NKAIN2: variants seen among roughly 807,000 people sequenced by gnomAD.
The protein encoded by NKAIN2 is sodium/potassium transporting ATPase interacting 2.
Under a neutral mutation model 32.6 loss-of-function variants are expected in NKAIN2, and 14 were observed. The observed-to-expected ratio is 0.43, with a 90% CI of 0.28 to 0.67. The LOEUF is 0.67. NKAIN2 is among the 30% of genes least tolerant of loss of function. NKAIN2 has a pLI of 0.17. For missense variants in NKAIN2, 198 were observed against 258.3 expected (o/e 0.77, Z 1.60); for synonymous variants, 80 against 87.2 (o/e 0.92, Z 0.46).
chr6:124,149,970 G>A (rs1787620220), intron 1 of NKAIN2, among the ~76,000 whole-genome samples: 1 of 152,114 alleles, frequency 6.6e-6, no homozygotes, highest in Non-Finnish European at 1.5e-5. Flanking sequence ...TTTCGGTGAA[G>A]GTCAGGGGCA....
intron 3 of NKAIN2, among the ~76,000 whole-genome samples, chr6:124,375,002 G>C (rs978682137): frequency 6.6e-6 from 1 of 151,840 alleles, no homozygotes; most frequent in African/African-American, 2.4e-5. Context: ...TCTACTTTCT[G>C]CTGTCCTTCA....
chr6:124,606,758 CTGATGCATCGGTTTAGTAAA>C (rs1371793265), intron 3 of NKAIN2, among the ~76,000 whole-genome samples: 1 of 152,144 alleles, frequency 6.6e-6, no homozygotes, highest in Non-Finnish European at 1.5e-5. Flanking sequence ...AGCATCTATA[CTGATGCATCGGTTTAGTAAA>C]TGAGTGAACT....
chr6:123,960,077 G>T (rs1485113798), intron 1 of NKAIN2, among the ~76,000 whole-genome samples: 2 of 151,890 alleles, frequency 1.3e-5, no homozygotes, highest in East Asian at 3.9e-4. Flanking sequence ...ATGTGGGTTT[G>T]CTGTGATGCA....
At chr6:124,619,719 C>T (rs1422371467) in intron 3 of NKAIN2, among the ~76,000 whole-genome samples, 1 of 151,968 alleles carries the variant, frequency 6.6e-6, no homozygotes, top group Non-Finnish European at 1.5e-5. Context: ...TCTACACTTG[C>T]CATATAAAAA....
chr6:124,525,199 C>T (rs936155723), intron 3 of NKAIN2, among the ~76,000 whole-genome samples: 19 of 152,234 alleles, frequency 1.2e-4, no homozygotes, highest in African/African-American at 3.9e-4. Flanking sequence ...GAGACCTGTG[C>T]ACTGTATGTG....
rs528842717 is a variant in NKAIN2 at position 124,791,327 on chromosome 6, G to A, written c.475-12G>A. The A allele has an allele frequency of 2.8e-5, 45 of 1,605,494 alleles. No homozygotes were observed. In the East Asian group the frequency reaches 9.8e-4, roughly 35 times the overall value. ...TTTTTCTGATGTCTAAAGCATCTCT[G>A]TTTTGTTTCAGCTGGCAGGTTTCAT... On this transcript the variant is annotated splice_polypyrimidine_tract_variant and intron_variant, in intron 4 of 6. Coordinates refer to ENST00000368417, the MANE Select transcript of NKAIN2 (RefSeq NM_001040214.3).
At chr6:124,687,279 GAGAGA>G (rs894730948) in intron 4 of NKAIN2, among the ~76,000 whole-genome samples, 10 of 135,526 alleles carry the variant, frequency 7.4e-5, no homozygotes, top group African/African-American at 2.6e-4. Flanking sequence ...TATATATAGA[GAGAGA>G]ATATATATAT....
In NKAIN2 at chr6:124,355,340, T is replaced by A; in HGVS notation, c.266T>A (p.Leu89His). ...VICFYLEAGD[L>H]SKETDLILTF... ...TGCTTCTATTTGGAGGCTGGGGACC[T>A]CTCAAAGGTAATTTACATCTAATTT... Residue 89 changes from leucine to histidine, a missense_variant, in exon 3 of 7, where the codon CTC becomes CAC. Leu to His is a moderately conservative substitution (Grantham distance 99, BLOSUM62 -3). Coordinates refer to ENST00000368417, the MANE Select transcript of NKAIN2 (RefSeq NM_001040214.3). 6.3e-7 allele frequency: 1 copy of A among 1,593,272 alleles called. No individual in the cohort carries two copies. Among genetic ancestry groups the A allele is most frequent in the Non-Finnish European group, 8.6e-7 (1 of 1,161,102 alleles).
At chr6:124,676,328 C>A (rs1040138513) in intron 4 of NKAIN2, among the ~76,000 whole-genome samples, 1 of 152,096 alleles carries the variant, frequency 6.6e-6, no homozygotes, top group African/African-American at 2.4e-5. Flanking sequence ...CTGTATATGT[C>A]TTTTAGCTCC....
At chr6:123,869,778 T>C (rs1028666364) in intron 1 of NKAIN2, among the ~76,000 whole-genome samples, 2 of 152,202 alleles carry the variant, frequency 1.3e-5, no homozygotes, top group Admixed American at 1.3e-4. Context: ...CATTTACTTA[T>C]GGTTGGTTAT....
chr6:124,030,542 A>T (rs138847382), intron 1 of NKAIN2, among the ~76,000 whole-genome samples: 41 of 152,292 alleles, frequency 2.7e-4, no homozygotes, highest in African/African-American at 9.6e-4. Flanking sequence ...ACAAGATGTT[A>T]TATATTGGAT....
intron 1 of NKAIN2, among the ~76,000 whole-genome samples, chr6:124,235,840 G>A (rs866818950): frequency 4.6e-5 from 7 of 151,796 alleles, no homozygotes; most frequent in Non-Finnish European, 7.4e-5. Context: ...CTCATGATCC[G>A]CCCATCTCAG....
intron 3 of NKAIN2, among the ~76,000 whole-genome samples, chr6:124,357,264 A>C (rs1799027478): frequency 6.6e-6 from 1 of 152,202 alleles, no homozygotes. Flanking sequence ...GGGCAAAGTT[A>C]TATAGTTATC....
chr6:124,597,189 G>T (rs2114973058), intron 3 of NKAIN2, among the ~76,000 whole-genome samples: 1 of 152,130 alleles, frequency 6.6e-6, no homozygotes, highest in South Asian at 2.1e-4. Flanking sequence ...GGCCAGTCAA[G>T]TTGACACATA....
chr6:124,760,616 A>T (rs72977777), intron 4 of NKAIN2, among the ~76,000 whole-genome samples: 1 of 151,528 alleles, frequency 6.6e-6, no homozygotes, highest in Non-Finnish European at 1.5e-5. Flanking sequence ...GCTGTTTAGG[A>T]GTTTGGTATT....
intron 2 of NKAIN2, among the ~76,000 whole-genome samples, chr6:124,332,475 A>G (rs1293906888): frequency 6.6e-6 from 1 of 152,190 alleles, no homozygotes; most frequent in Non-Finnish European, 1.5e-5. Flanking sequence ...CTAAGGCCCT[A>G]TCTACTGACA....
chr6:124,713,754 A>G (rs1775613880), intron 4 of NKAIN2, among the ~76,000 whole-genome samples: 2 of 152,316 alleles, frequency 1.3e-5, no homozygotes, highest in Admixed American at 6.5e-5. Context: ...TAGAAATAGG[A>G]GGGTAAAATA....
At chr6:124,455,994 CAG>C (rs1246630047) in intron 3 of NKAIN2, among the ~76,000 whole-genome samples, 3 of 151,818 alleles carry the variant, frequency 2.0e-5, no homozygotes, top group South Asian at 2.1e-4. Flanking sequence ...TGCAGCATGA[CAG>C]GGGACAGGGA....
intron 3 of NKAIN2, among the ~76,000 whole-genome samples, chr6:124,413,937 A>T (rs965806404): frequency 5.3e-5 from 8 of 152,180 alleles, no homozygotes; most frequent in Middle Eastern, 3.4e-3. Context: ...TTGTAGATCT[A>T]TGGGATTTTC....
Sources: allele counts gnomAD v4.1 joint callset (sites outside exome capture counted in the v4.1 genomes callset), GRCh38; gene constraint gnomAD v4.1.1; transcripts MANE v1.5; gene names NCBI Gene and HGNC (gene_info 2026-07-23, HGNC 2026-07-21).